The following CGNL1 variants were observed in gnomAD, a reference collection of about 807,000 sequenced individuals.
The protein encoded by CGNL1 is cingulin-like protein 1.
CGNL1 carries 132 observed loss-of-function variants against 141.2 expected under a neutral mutation model. That is an observed-to-expected ratio of 0.93 (90% CI 0.81 to 1.08). The LOEUF (loss-of-function observed/expected upper bound fraction) is 1.08, where lower values mean the gene tolerates loss of function less well. CGNL1 is among the 50% of genes least tolerant of loss of function. The pLI is 0.00. For synonymous variants in CGNL1, 690 were observed against 622.1 expected, an observed-to-expected ratio of 1.11 and a Z score of -1.63; for missense variants, 1,870 against 1,588.6, an observed-to-expected ratio of 1.18 and a Z score of -3.01.
At chr15:57,476,440 G>A (rs1329264943) in intron 8 of CGNL1, among the ~76,000 whole-genome samples, 2 of 152,042 alleles carry the variant, frequency 1.3e-5, no homozygotes, top group African/African-American at 2.4e-5. Context: ...TAATAGTTTT[G>A]TTTGCATTCA....
intron 7 of CGNL1, among the ~76,000 whole-genome samples, chr15:57,459,675 C>A (rs1402580471): frequency 1.3e-5 from 2 of 152,116 alleles, no homozygotes; most frequent in African/African-American, 4.8e-5. Flanking sequence ...GGGCTTTACC[C>A]AGGGAGGTGA....
intron 14 of CGNL1, among the ~76,000 whole-genome samples, chr15:57,539,127 T>A (rs2032427534): frequency 6.6e-6 from 1 of 152,154 alleles, no homozygotes; most frequent in Non-Finnish European, 1.5e-5. Flanking sequence ...CTGCCTCTGC[T>A]CTGCTGGCCG....
chr15:57,522,662 C>G (rs1270198534), intron 10 of CGNL1, among the ~76,000 whole-genome samples: 1 of 152,168 alleles, frequency 6.6e-6, no homozygotes, highest in Admixed American at 6.5e-5. Context: ...CATAACTTTC[C>G]TATAATATTT....
intron 4 of CGNL1, among the ~76,000 whole-genome samples, chr15:57,450,945 A>G (rs768190806): frequency 2.2e-4 from 34 of 152,166 alleles, no homozygotes; most frequent in Admixed American, 1.0e-3. Context: ...AAAAGTTCAT[A>G]ATCTCCTGAT....
intron 14 of CGNL1, among the ~76,000 whole-genome samples, chr15:57,541,341 C>T (rs146787578): frequency 7.9e-5 from 12 of 152,372 alleles, no homozygotes; most frequent in Admixed American, 5.9e-4. Context: ...TCCTCAGTCC[C>T]GTGGCCCAGC....
intron 1 of CGNL1, among the ~76,000 whole-genome samples, chr15:57,413,520 A>G (rs2062816328): frequency 3.3e-5 from 5 of 151,962 alleles, no homozygotes; most frequent in Admixed American, 3.3e-4. Flanking sequence ...TTCTGGGCTC[A>G]GGCCATCCAT....
intron 1 of CGNL1, among the ~76,000 whole-genome samples, chr15:57,390,877 G>C (rs1214945958): frequency 6.6e-6 from 1 of 151,988 alleles, no homozygotes; most frequent in African/African-American, 2.4e-5. Context: ...GTGGTGGCAG[G>C]AGTGTGACAA....
chr15:57,399,946 G>A (rs2062641263), intron 1 of CGNL1, among the ~76,000 whole-genome samples: 1 of 151,276 alleles, frequency 6.6e-6, no homozygotes, highest in Admixed American at 6.6e-5. Context: ...AGGTGTGTAA[G>A]TCTCCTTGTT....
At chr15:57,384,878 A>C (rs1202800205) in intron 1 of CGNL1, among the ~76,000 whole-genome samples, 1 of 152,222 alleles carries the variant, frequency 6.6e-6, no homozygotes, top group Non-Finnish European at 1.5e-5. Flanking sequence ...ATATCTAAAC[A>C]GAAAAACAGA....
At chr15:57,421,427 C>G (rs928646668) in intron 1 of CGNL1, among the ~76,000 whole-genome samples, 2 of 151,988 alleles carry the variant, frequency 1.3e-5, no homozygotes, top group African/African-American at 4.8e-5. Flanking sequence ...GAAAGGAACC[C>G]TCTTTCCTCC....
At chr15:57,503,544 C>T (rs2064057300) in intron 8 of CGNL1, among the ~76,000 whole-genome samples, 1 of 152,154 alleles carries the variant, frequency 6.6e-6, no homozygotes, top group Non-Finnish European at 1.5e-5. Context: ...CTTCATCAGC[C>T]TGCGGTGTTC....
At chr15:57,529,562 AC>A (rs2031834443) in intron 13 of CGNL1, among the ~76,000 whole-genome samples, 15 of 10,864 alleles carry the variant, frequency 1.4e-3, no homozygotes, top group African/African-American at 2.3e-3. Context: ...CCCCAGAAAC[AC>A]ACACACACAC....
chr15:57,442,670 G>A (rs1323172919), intron 4 of CGNL1, among the ~76,000 whole-genome samples, 192 bp downstream of exon 4: 3 of 152,152 alleles, frequency 2.0e-5, no homozygotes, highest in African/African-American at 4.8e-5. Context: ...CCTGGCTGGA[G>A]TGTAGTGGTA....
chr15:57,456,033 C>G (rs1383078995), intron 7 of CGNL1, among the ~76,000 whole-genome samples: 1 of 152,160 alleles, frequency 6.6e-6, no homozygotes, highest in Non-Finnish European at 1.5e-5. Flanking sequence ...TTCTCTTGCT[C>G]CAGAAAATCA....
At chr15:57,458,363 T>C (rs565480364) in intron 7 of CGNL1, among the ~76,000 whole-genome samples, 1 of 152,170 alleles carries the variant, frequency 6.6e-6, no homozygotes, top group Admixed American at 6.5e-5. Context: ...TACCTTTTAG[T>C]CTCTACTCTG....
At chr15:57,388,001 G>A (rs1400754382) in intron 1 of CGNL1, among the ~76,000 whole-genome samples, 1 of 152,228 alleles carries the variant, frequency 6.6e-6, no homozygotes, top group East Asian at 1.9e-4. Flanking sequence ...ACATAGATAT[G>A]TAAAACCAGC....
At chr15:57,507,624 A>G (rs1224300860) in intron 8 of CGNL1, among the ~76,000 whole-genome samples, 3 of 152,262 alleles carry the variant, frequency 2.0e-5, no homozygotes, top group South Asian at 2.1e-4. Context: ...TAAAATCTTC[A>G]TTAAGCAAGG....
chr15:57,535,412 C>T (rs1404914020), intron 14 of CGNL1, among the ~76,000 whole-genome samples: 1 of 152,072 alleles, frequency 6.6e-6, no homozygotes, highest in Non-Finnish European at 1.5e-5. Flanking sequence ...GAGGGAAAGA[C>T]CATTGTTGCA....
chr15:57,540,253 G>A lies in CGNL1; in HGVS notation c.3292-3443G>A, dbSNP rs1032431957. ...TCATGCTGCTAATAAAGACATACCTGAGACTGGGCAATTTATAAATGTTTA... is the reference window on the plus strand; with the variant it reads ...TCATGCTGCTAATAAAGACATACCTAAGACTGGGCAATTTATAAATGTTTA... On this transcript the variant is annotated intron_variant, in intron 14 of 18. Transcript: ENST00000281282. 3.3e-5 allele frequency among the ~76,000 whole-genome samples: 5 copies of A among 152,172 alleles called. No homozygotes were observed. The East Asian group carries it at 9.6e-4, about 29-fold the overall frequency.
Sources: allele counts gnomAD v4.1 joint callset (sites outside exome capture counted in the v4.1 genomes callset), GRCh38; gene constraint gnomAD v4.1.1; transcripts MANE v1.5; gene names NCBI Gene and HGNC (gene_info 2026-07-23, HGNC 2026-07-21).